DNAJC21: variants seen among roughly 807,000 people sequenced by gnomAD.
DNAJC21 encodes DnaJ heat shock protein family (Hsp40) member C21.
DNAJC21 carries 63 observed loss-of-function variants against 72.4 expected under a neutral mutation model. That is an observed-to-expected ratio of 0.87 (90% CI 0.71 to 1.07). The LOEUF is 1.07. Among genes scored for constraint, DNAJC21 ranks in the 50% least tolerant of loss-of-function variants. The pLI is 0.00. For synonymous variants in DNAJC21, 203 were observed against 216.7 expected, an observed-to-expected ratio of 0.94 and a Z score of 0.56; for missense variants, 634 against 644.8, an observed-to-expected ratio of 0.98 and a Z score of 0.18.
chr5:34,937,858 C>T (rs544309701), intron 5 of DNAJC21, among the ~76,000 whole-genome samples: 4 of 152,204 alleles, frequency 2.6e-5, no homozygotes, highest in East Asian at 3.9e-4. Context: ...TGCAATGGTG[C>T]GATCTCGGCT....
At chr5:34,953,151 A>G (rs1580543236) in intron 10 of DNAJC21, among the ~76,000 whole-genome samples, 1 of 151,910 alleles carries the variant, frequency 6.6e-6, no homozygotes, top group African/African-American at 2.4e-5. Flanking sequence ...CTCCATCTCA[A>G]AAAAAAAGTT....
At chr5:34,949,502 T>A (rs1319255912) in intron 9 of DNAJC21, 1 of 1,551,264 alleles carries the variant, frequency 6.4e-7, no homozygotes, top group African/African-American at 1.4e-5. Context: ...CATTAGATTC[T>A]TGAGTGTGAG....
Position 34,955,452 on chromosome 5 carries a change from G to A in DNAJC21, c.*738G>A, listed in dbSNP as rs1765505618. The A allele has an allele frequency of 6.6e-6, 1 of 152,156 alleles. No individual in the cohort carries two copies. The highest frequency in any genetic ancestry group is 6.5e-5 in the Admixed American group (1 of 15,284). The allele number at this position is 152,156 out of a possible 1,614,324, so 9.4% of individuals were successfully genotyped here. ...ACAGCTGTAAAGTATGACGGAACAAGGTAGCAGATGGTACAGAATTTATAC... is the reference window on the plus strand; with the variant it reads ...ACAGCTGTAAAGTATGACGGAACAAAGTAGCAGATGGTACAGAATTTATAC... On this transcript the variant is annotated 3_prime_UTR_variant, in exon 12 of 12. Transcript: ENST00000648817.
intron 1 of DNAJC21, among the ~76,000 whole-genome samples, chr5:34,933,610 A>G (rs1379619523): frequency 6.6e-6 from 1 of 152,178 alleles, no homozygotes; most frequent in Non-Finnish European, 1.5e-5. Flanking sequence ...ACCAAGGCTT[A>G]GGGAAAAGCC....
intron 5 of DNAJC21, among the ~76,000 whole-genome samples, chr5:34,938,016 T>G (rs1764851480): frequency 6.6e-6 from 1 of 152,088 alleles, no homozygotes; most frequent in African/African-American, 2.4e-5. Flanking sequence ...CAGTCTGGTC[T>G]CGTACTCTTG....
At chr5:34,954,496 A>G in intron 11 of DNAJC21, 57 bp from the exon 12 acceptor site, 1 of 1,512,904 alleles carries the variant, frequency 6.6e-7, no homozygotes, top group Non-Finnish European at 8.8e-7. Flanking sequence ...TAAAACCTAA[A>G]ACACTACTTT....
At chr5:34,952,710 T>A (rs1402931455) in intron 10 of DNAJC21, 2 of 152,110 alleles carry the variant, frequency 1.3e-5, no homozygotes, top group Non-Finnish European at 2.9e-5. Context: ...AACCATCAGA[T>A]CAACAGAAAG....
intron 1 of DNAJC21, among the ~76,000 whole-genome samples, chr5:34,930,586 G>A (rs1236094747): frequency 1.3e-5 from 2 of 152,044 alleles, no homozygotes; most frequent in East Asian, 1.9e-4. Context: ...TCCTTTGGAT[G>A]TTTCATTGGT....
At chr5:34,938,768 T>A (rs1764880742) in intron 5 of DNAJC21, 90 bp from the exon 6 acceptor site, 4 of 1,368,650 alleles carry the variant, frequency 2.9e-6, no homozygotes. Context: ...GAGCAAGCTC[T>A]CTAGTGGGAA....
chr5:34,937,295 G>T (rs564266405), intron 4 of DNAJC21, 31 bp from the exon 5 acceptor site: 2 of 1,562,488 alleles, frequency 1.3e-6, no homozygotes, highest in Admixed American at 2.1e-5. Flanking sequence ...ATCTTAAAGC[G>T]CAGAAGTTAA....
intron 2 of DNAJC21, 115 bp from the exon 3 acceptor site, chr5:34,935,595 G>T: frequency 1.5e-6 from 2 of 1,349,364 alleles, no homozygotes; most frequent in South Asian, 2.7e-5. Context: ...TTTGGTTATG[G>T]ATTGGACATA....
intron 7 of DNAJC21, among the ~76,000 whole-genome samples, chr5:34,942,075 T>A (rs139508516): frequency 6.6e-6 from 1 of 152,022 alleles, no homozygotes; most frequent in Admixed American, 6.6e-5. Flanking sequence ...ACATGCACTG[T>A]CTCCAGAAGC....
chr5:34,929,706 C>A lies in DNAJC21; in HGVS notation c.-114C>A. ...GGCTCGCTGGCTGGCCCGGTGCGGG[C>A]GGCGGACTCCCGCCGGAGAGGACTG... On this transcript the variant is annotated 5_prime_UTR_variant, in exon 1 of 12. Transcript: ENST00000648817. 2 of 310,060 alleles carry A rather than the reference C, an allele frequency of 6.5e-6. No individual in the cohort carries two copies. Among genetic ancestry groups the A allele is most frequent in the Non-Finnish European group, 9.4e-6 (2 of 212,336 alleles). The allele number at this position is 310,060 out of a possible 1,614,324, so 19.2% of individuals were successfully genotyped here. A position where few individuals can be genotyped will look rare whatever the true frequency, so the allele number is the denominator to read the frequency against.
Position 34,958,451 on chromosome 5 carries a change from C to T in DNAJC21, c.*3737C>T. 1 of 152,066 alleles carries T rather than the reference C, an allele frequency of 6.6e-6. No individual in the cohort carries two copies. The highest frequency in any genetic ancestry group is 2.4e-5 in the African/African-American group (1 of 41,396). The allele number at this position is 152,066 out of a possible 1,614,324, so 9.4% of individuals were successfully genotyped here. ...GGGATTAAAGACCTAAATATGAAGA[C>T]AAAACTTTTAAATGAGAATCTATAA... On this transcript the variant is annotated 3_prime_UTR_variant, in exon 12 of 12. Transcript: ENST00000648817.
rs1203771767 is a variant in DNAJC21 at position 34,949,616 on chromosome 5, G to A, written c.1186-554G>A. Reference sequence around the variant, plus strand: ...GCTTGGGGAAAAAAGTGTGTGTTGGGAGAGAGAAGAGATGGAGAGAGCGAG... The same window carrying A: ...GCTTGGGGAAAAAAGTGTGTGTTGGAAGAGAGAAGAGATGGAGAGAGCGAG... On this transcript the variant is annotated intron_variant, in intron 9 of 11. Transcript: ENST00000648817. 7 of 1,602,196 alleles carry A rather than the reference G, an allele frequency of 4.4e-6. No homozygotes were observed. In the East Asian group the frequency reaches 1.3e-4, roughly 31 times the overall value.
At position 34,958,301 on chromosome 5, in the gene DNAJC21, C is replaced by A. The variant is rs760049619; in HGVS notation, c.*3587C>A. 6.6e-6 allele frequency: 1 copy of A among 152,136 alleles called. No homozygotes were observed. The highest frequency in any genetic ancestry group is 2.1e-4 in the South Asian group (1 of 4,828). The allele number at this position is 152,136 out of a possible 1,614,324, so 9.4% of individuals were successfully genotyped here. On this transcript the variant is annotated 3_prime_UTR_variant, in exon 12 of 12. Transcript: ENST00000648817. ...TGCCAGTAGAGGTCAGTCAAGGGATCCCTGACGAGAATAAAGAGCCCAGAA... is the reference window on the plus strand; with the variant it reads ...TGCCAGTAGAGGTCAGTCAAGGGATACCTGACGAGAATAAAGAGCCCAGAA...
Position 34,935,733 on chromosome 5 carries a change from TA to T in DNAJC21, c.216del (p.Gly75ValfsTer12). ...AGGTATGATAATCATAGAGAGGCCCTACTTAAAGGTGGGTTTGATGGCGAAT... is the reference window on the plus strand; with the variant it reads ...AGGTATGATAATCATAGAGAGGCCCTCTTAAAGGTGGGTTTGATGGCGAAT... ...RAWYDNHREALLKGGFDGEYQ... is the reference protein window; with the variant it reads ...RAWYDNHREAXLKGGFDGEYQ... On this transcript the variant is annotated frameshift_variant, in exon 3 of 12. Transcript: ENST00000648817. LOFTEE classifies it high-confidence loss of function. 6.2e-7 allele frequency: 1 copy of T among 1,614,060 alleles called. No individual in the cohort carries two copies.
At chr5:34,941,566 T>C (rs943867356) in intron 7 of DNAJC21, among the ~76,000 whole-genome samples, 36 of 138,038 alleles carry the variant, frequency 2.6e-4, no homozygotes, top group Admixed American at 9.4e-4. Context: ...TTTTCTTTTT[T>C]TTTTTTTTTT....
chr5:34,952,757 G>A (rs1765416626), intron 10 of DNAJC21: 2 of 152,038 alleles, frequency 1.3e-5, no homozygotes, highest in South Asian at 2.1e-4. Flanking sequence ...TCCTTATATT[G>A]AGCAAATTTA....
Sources: gnomAD v4.1 joint callset for allele counts (sites outside exome capture counted in the v4.1 genomes callset) on GRCh38, gnomAD v4.1.1 for gene constraint, MANE v1.5 for transcripts, NCBI Gene and HGNC (gene_info 2026-07-23, HGNC 2026-07-21) for gene names.